The following BMPR1B variants were observed in gnomAD, a reference collection of about 807,000 sequenced individuals.
BMPR1B encodes the protein bone morphogenetic protein receptor type-1B.
Under a neutral mutation model 59.1 loss-of-function variants are expected in BMPR1B, and 12 were observed. That is an observed-to-expected ratio of 0.20 (90% CI 0.13 to 0.33). BMPR1B has a LOEUF of 0.33. Ranked by LOEUF, BMPR1B falls within the 10% of genes least tolerant of loss-of-function variation. BMPR1B has a pLI of 1.00. For missense variants in BMPR1B, 550 were observed against 610.9 expected (o/e 0.90, Z 1.05); for synonymous variants, 237 against 207.3 (o/e 1.14, Z -1.23).
intron 6 of BMPR1B, among the ~76,000 whole-genome samples, chr4:95,116,980 A>G (rs532257329): frequency 6.6e-6 from 1 of 152,254 alleles, no homozygotes; most frequent in Admixed American, 6.5e-5. Context: ...GTAAGAGAGC[A>G]CCGTGTCAAT....
intron 2 of BMPR1B, among the ~76,000 whole-genome samples, chr4:94,914,875 A>G (rs1413547035): frequency 6.6e-6 from 1 of 152,156 alleles, no homozygotes; most frequent in Non-Finnish European, 1.5e-5. Context: ...CTCTCCTGTT[A>G]GAATTGTAAG....
intron 2 of BMPR1B, among the ~76,000 whole-genome samples, chr4:94,925,051 C>T (rs1171540664): frequency 6.6e-6 from 1 of 152,026 alleles, no homozygotes; most frequent in African/African-American, 2.4e-5. Context: ...ATACAAAATA[C>T]ATATTAGATC....
At chr4:94,963,830 C>T (rs1023150327) in intron 2 of BMPR1B, among the ~76,000 whole-genome samples, 11 of 151,906 alleles carry the variant, frequency 7.2e-5, no homozygotes, top group African/African-American at 2.4e-4. Context: ...TTTGTGGTTC[C>T]ATGTAAATTT....
Position 94,838,570 on chromosome 4 carries a change from A to C in BMPR1B, c.-182-37261A>C, listed in dbSNP as rs879491479. Among the ~76,000 whole-genome samples the C allele has an allele frequency of 2.4e-3, 326 of 137,496 alleles. 19 individuals are homozygous for C. The highest frequency in any genetic ancestry group is 4.0e-3 in the Admixed American group (56 of 13,946). 90.2% of individuals were successfully genotyped at this position (137,496 alleles called of 152,430 possible). A position where few individuals can be genotyped will look rare whatever the true frequency, so the allele number is the denominator to read the frequency against. ...GTAGAGGTGTTTGTAGTATTCTCTGATGGTAGTTTGTATTTCTGTTGGATC... is the reference window on the plus strand; with the variant it reads ...GTAGAGGTGTTTGTAGTATTCTCTGCTGGTAGTTTGTATTTCTGTTGGATC... On this transcript the variant is annotated intron_variant, in intron 1 of 12. Coordinates refer to ENST00000515059, the MANE Select transcript of BMPR1B (RefSeq NM_001203.3).
At chr4:94,789,195 A>G (rs914345210) in intron 1 of BMPR1B, among the ~76,000 whole-genome samples, 2 of 152,252 alleles carry the variant, frequency 1.3e-5, no homozygotes, top group Non-Finnish European at 2.9e-5. Flanking sequence ...GTGTTCTTGC[A>G]TAGAACAAGA....
intron 3 of BMPR1B, among the ~76,000 whole-genome samples, chr4:95,093,523 A>G (rs1171245589): frequency 2.0e-5 from 3 of 150,972 alleles, no homozygotes; most frequent in African/African-American, 7.3e-5. Flanking sequence ...TGTATGTCAT[A>G]TTTACTCTTC....
chr4:94,852,023 A>C (rs1725587064), intron 1 of BMPR1B, among the ~76,000 whole-genome samples: 1 of 151,294 alleles, frequency 6.6e-6, no homozygotes, highest in Non-Finnish European at 1.5e-5. Flanking sequence ...TTGGAAATAA[A>C]GATGGTGAAA....
intron 3 of BMPR1B, among the ~76,000 whole-genome samples, chr4:95,042,095 A>C (rs190879591): frequency 6.6e-6 from 1 of 152,124 alleles, no homozygotes; most frequent in South Asian, 2.1e-4. Flanking sequence ...TGACCTCGTG[A>C]TCCACCCGCC....
At chr4:95,016,906 A>AT (rs1723623074) in intron 3 of BMPR1B, among the ~76,000 whole-genome samples, 1 of 152,170 alleles carries the variant, frequency 6.6e-6, no homozygotes, top group Non-Finnish European at 1.5e-5. Context: ...TGTAATTGTC[A>AT]TTTTTCATTA....
intron 10 of BMPR1B, among the ~76,000 whole-genome samples, chr4:95,137,492 T>C (rs1431976043): frequency 6.6e-6 from 1 of 152,192 alleles, no homozygotes; most frequent in African/African-American, 2.4e-5. Flanking sequence ...TTGATCTGTC[T>C]AATGTTGACA....
chr4:94,840,113 G>A (rs1397642877), intron 1 of BMPR1B, among the ~76,000 whole-genome samples: 1 of 150,680 alleles, frequency 6.6e-6, no homozygotes, highest in East Asian at 1.9e-4. Flanking sequence ...GGCTTGTAGA[G>A]TTTCTGCTGA....
chr4:94,762,930 T>G (rs28463294), intron 1 of BMPR1B, among the ~76,000 whole-genome samples: 6,349 of 151,786 alleles, frequency 0.042, 245 homozygotes, highest in African/African-American at 0.1. Context: ...ACTGGTTCAA[T>G]AGTTACTTTT....
At chr4:94,970,469 A>G (rs1730747599) in intron 2 of BMPR1B, among the ~76,000 whole-genome samples, 1 of 151,822 alleles carries the variant, frequency 6.6e-6, no homozygotes, top group African/African-American at 2.4e-5. Context: ...GCGCGCCACC[A>G]TGCCCTGCTA....
chr4:95,040,315 T>A (rs1455690016), intron 3 of BMPR1B, among the ~76,000 whole-genome samples: 1 of 152,212 alleles, frequency 6.6e-6, no homozygotes, highest in African/African-American at 2.4e-5. Context: ...ATACTTTAAA[T>A]CCTTTTGTGT....
At chr4:94,908,093 A>AAAG (rs1728125576) in intron 2 of BMPR1B, among the ~76,000 whole-genome samples, 1 of 118,712 alleles carries the variant, frequency 8.4e-6, no homozygotes, top group African/African-American at 4.3e-5. Context: ...AAAAAAAAGA[A>AAAG]AAAACAAAAA....
chr4:94,998,167 C>A (rs750728304), intron 3 of BMPR1B, among the ~76,000 whole-genome samples: 1 of 152,058 alleles, frequency 6.6e-6, no homozygotes, highest in South Asian at 2.1e-4. Flanking sequence ...TGTAGTCCAT[C>A]CTGACATTGG....
intron 2 of BMPR1B, among the ~76,000 whole-genome samples, chr4:94,958,667 G>T (rs11940026): frequency 2.0e-5 from 3 of 152,082 alleles, no homozygotes; most frequent in Non-Finnish European, 4.4e-5. Flanking sequence ...AGACTTCATC[G>T]TATGAATTTT....
intron 1 of BMPR1B, among the ~76,000 whole-genome samples, chr4:94,828,670 A>G (rs1394545950): frequency 6.6e-6 from 1 of 152,142 alleles, no homozygotes; most frequent in South Asian, 2.1e-4. Flanking sequence ...GAGAACATCT[A>G]TTAACAAGCA....
At chr4:94,902,080 T>C (rs1560538941) in intron 2 of BMPR1B, among the ~76,000 whole-genome samples, 1 of 145,334 alleles carries the variant, frequency 6.9e-6, no homozygotes, top group Non-Finnish European at 1.5e-5. Context: ...TGTGTGTGTG[T>C]GTGTGTGGGG....
Sources: allele counts gnomAD v4.1 joint callset (sites outside exome capture counted in the v4.1 genomes callset), GRCh38; gene constraint gnomAD v4.1.1; transcripts MANE v1.5; gene names NCBI Gene and HGNC (gene_info 2026-07-23, HGNC 2026-07-21).